TCEANC2: variants seen among roughly 807,000 people sequenced by gnomAD.
TCEANC2 encodes the protein transcription elongation factor A N-terminal and central domain containing 2.
TCEANC2 carries 20 observed loss-of-function variants against 22.8 expected under a neutral mutation model. That is an observed-to-expected ratio of 0.88 (90% CI 0.62 to 1.28). The LOEUF (loss-of-function observed/expected upper bound fraction) is 1.28, where lower values mean the gene tolerates loss of function less well. TCEANC2 is among the 50% of genes most tolerant of loss of function. The pLI is 0.00. For synonymous variants in TCEANC2, 84 were observed against 95.5 expected (o/e 0.88, Z 0.70); for missense variants, 251 against 249.7 (o/e 1.01, Z -0.03).
At chr1:54,108,551 T>A (rs369373677), downstream of TCEANC2, among the ~76,000 whole-genome samples, 1 of 152,200 alleles carries the variant, frequency 6.6e-6, no homozygotes, top group Admixed American at 6.5e-5. Context: ...CCAAACCCAC[T>A]GACACCTTGA....
chr1:54,059,671 A>G (rs534725283), intron 2 of TCEANC2, among the ~76,000 whole-genome samples: 7 of 152,214 alleles, frequency 4.6e-5, no homozygotes, highest in Non-Finnish European at 8.8e-5. Flanking sequence ...GATTACCTGT[A>G]GCTTTCTCCA....
chr1:54,074,446 G>A (rs1271197722), intron 3 of TCEANC2, among the ~76,000 whole-genome samples: 2 of 151,844 alleles, frequency 1.3e-5, no homozygotes, highest in East Asian at 1.9e-4. Flanking sequence ...CTGGGCAACA[G>A]ACCGAGACTC....
In TCEANC2 at chr1:54,067,859, C is replaced by T. The variant is rs192525260; in HGVS notation, c.103-897C>T. 4.8e-3 allele frequency among the ~76,000 whole-genome samples: 736 copies of T among 152,282 alleles called. 1 individual carries two copies. The highest frequency in any genetic ancestry group is 0.024 in the Middle Eastern group (7 of 294). On this transcript the variant is annotated intron_variant, in intron 2 of 4. Coordinates refer to ENST00000234827, the MANE Select transcript of TCEANC2 (RefSeq NM_153035.3). ...GATCAAAAAACAGTATTACCAGAAT[C>T]CCAGAATCCCCTTCAATTCCCGAAC...
downstream of TCEANC2, among the ~76,000 whole-genome samples, chr1:54,109,592 C>T (rs549700200): frequency 6.6e-6 from 1 of 152,324 alleles, no homozygotes; most frequent in Admixed American, 6.5e-5. Context: ...TATCTGTTTC[C>T]CTCTCCACCT....
intron 3 of TCEANC2, among the ~76,000 whole-genome samples, chr1:54,070,544 C>T (rs887683918): frequency 1.3e-5 from 2 of 152,126 alleles, no homozygotes; most frequent in Non-Finnish European, 2.9e-5. Context: ...CATAATGAAA[C>T]CACAACAGGG....
chr1:54,075,884 C>T (rs867724286), intron 3 of TCEANC2, among the ~76,000 whole-genome samples: 6 of 151,690 alleles, frequency 4.0e-5, no homozygotes, highest in Admixed American at 6.6e-5. Flanking sequence ...TGTGGTTGTG[C>T]GTGCCTGTAG....
At chr1:54,072,266 T>C (rs150584749) in intron 3 of TCEANC2, among the ~76,000 whole-genome samples, 5 of 152,336 alleles carry the variant, frequency 3.3e-5, no homozygotes, top group East Asian at 3.9e-4. Flanking sequence ...TGTGTGGTAA[T>C]GTCTTCAGAT....
At chr1:54,075,063 A>G (rs1658123395) in intron 3 of TCEANC2, among the ~76,000 whole-genome samples, 1 of 152,220 alleles carries the variant, frequency 6.6e-6, no homozygotes. Flanking sequence ...GATTAGCAAG[A>G]GCCTTGGATC....
intron 2 of TCEANC2, 123 bp from the exon 3 acceptor site, chr1:54,068,633 G>A: frequency 1.0e-6 from 1 of 991,112 alleles, no homozygotes; most frequent in South Asian, 2.2e-5. Flanking sequence ...CAGATGCACT[G>A]TACTTTGGTT....
chr1:54,073,532 G>A (rs1392513036), intron 3 of TCEANC2, among the ~76,000 whole-genome samples: 1 of 152,042 alleles, frequency 6.6e-6, no homozygotes, highest in Non-Finnish European at 1.5e-5. Flanking sequence ...TCTAGCCTCT[G>A]CTAACTTTTT....
At chr1:54,067,461 GAA>G (rs1657979682) in intron 2 of TCEANC2, among the ~76,000 whole-genome samples, 1 of 152,194 alleles carries the variant, frequency 6.6e-6, no homozygotes, top group African/African-American at 2.4e-5. Context: ...ACGAGAAAAA[GAA>G]AGTCAGCTTT....
chr1:54,070,311 C>T (rs1459404592), intron 3 of TCEANC2, among the ~76,000 whole-genome samples: 2 of 152,090 alleles, frequency 1.3e-5, no homozygotes, highest in African/African-American at 4.8e-5. Flanking sequence ...CTAGTGATTA[C>T]TAGTTTATGA....
intron 3 of TCEANC2, among the ~76,000 whole-genome samples, chr1:54,077,856 C>T (rs1032614834): frequency 6.6e-6 from 1 of 152,172 alleles, no homozygotes; most frequent in African/African-American, 2.4e-5. Flanking sequence ...CCTCTCTCCC[C>T]TAACAGGGTG....
At chr1:54,106,323 A>G (rs1023257034), downstream of TCEANC2, among the ~76,000 whole-genome samples, 9 of 152,262 alleles carry the variant, frequency 5.9e-5, no homozygotes, top group East Asian at 5.8e-4. Context: ...GTATAACAGC[A>G]CTATCTAATA....
At chr1:54,058,279 C>T (rs1657789876) in intron 2 of TCEANC2, among the ~76,000 whole-genome samples, 1 of 152,202 alleles carries the variant, frequency 6.6e-6, no homozygotes, top group Non-Finnish European at 1.5e-5. Context: ...CCCTTCCTGA[C>T]CACCCTTTTG....
In TCEANC2 at chr1:54,099,600, CA is replaced by C. The variant is rs1194422608; in HGVS notation, c.*3128del. On this transcript the variant is annotated 3_prime_UTR_variant, in exon 5 of 5. Coordinates refer to ENST00000234827, the MANE Select transcript of TCEANC2 (RefSeq NM_153035.3). ...CTGTACTAAAAATACAAAAATTAGCCAGATATGATGGCAGGCGCCTGTAATC... is the reference window on the plus strand; with the variant it reads ...CTGTACTAAAAATACAAAAATTAGCCGATATGATGGCAGGCGCCTGTAATC... 6.6e-6 allele frequency: 1 copy of C among 151,820 alleles called. No individual in the cohort carries two copies. Among genetic ancestry groups the C allele is most frequent in the Non-Finnish European group, 1.5e-5 (1 of 67,968 alleles). 9.4% of individuals were successfully genotyped at this position (151,820 alleles called of 1,614,324 possible). A position where few individuals can be genotyped will look rare whatever the true frequency, so the allele number is the denominator to read the frequency against.
chr1:54,054,656 C>A lies in TCEANC2; in HGVS notation c.102+132C>A, dbSNP rs769007461. 9.5e-5 allele frequency: 84 copies of A among 887,944 alleles called. 2 individuals carry two copies. In the Middle Eastern group the frequency reaches 2.0e-3, roughly 21 times the overall value. 55.0% of individuals were successfully genotyped at this position (887,944 alleles called of 1,614,324 possible). ...CTCCTCAAAGTGTACCTGACCACTCCTCCTTTGTTTCGCCCATAGCTGTAC... is the reference window on the plus strand; with the variant it reads ...CTCCTCAAAGTGTACCTGACCACTCATCCTTTGTTTCGCCCATAGCTGTAC... On this transcript the variant is annotated intron_variant, in intron 2 of 4. Transcript: ENST00000234827.
downstream of TCEANC2, among the ~76,000 whole-genome samples, chr1:54,106,675 A>G (rs574573482): frequency 5.3e-5 from 8 of 152,308 alleles, no homozygotes; most frequent in Non-Finnish European, 8.8e-5. Context: ...TGTTAAGTGA[A>G]AAAAGGAAGC....
intron 3 of TCEANC2, among the ~76,000 whole-genome samples, chr1:54,085,640 A>C (rs1658326104): frequency 6.6e-6 from 1 of 152,148 alleles, no homozygotes; most frequent in African/African-American, 2.4e-5. Context: ...ACTCTTGCTC[A>C]GTTATATTTG....
Sources: allele counts gnomAD v4.1 joint callset (sites outside exome capture counted in the v4.1 genomes callset), GRCh38; gene constraint gnomAD v4.1.1; transcripts MANE v1.5; gene names NCBI Gene and HGNC (gene_info 2026-07-23, HGNC 2026-07-21).